The following CELF2 variants were observed in gnomAD, a reference collection of about 807,000 sequenced individuals.
CELF2 encodes CUGBP Elav-like family member 2.
A neutral mutation model predicts 62.6 loss-of-function variants in CELF2; 8 were observed. The observed-to-expected ratio is 0.13, with a 90% CI of 0.07 to 0.23. The LOEUF (loss-of-function observed/expected upper bound fraction) is 0.23. Among genes scored for constraint, CELF2 ranks in the 10% least tolerant of loss-of-function variants. The pLI, the probability that CELF2 is intolerant of heterozygous loss-of-function variation, is 1.00. For synonymous variants in CELF2, 258 were observed against 250.0 expected, an observed-to-expected ratio of 1.03 and a Z score of -0.30; for missense variants, 333 against 671.0, an observed-to-expected ratio of 0.50 and a Z score of 5.56.
intron 8 of CELF2, among the ~76,000 whole-genome samples, chr10:11,281,333 C>T (rs758045386): frequency 4.4e-4 from 67 of 152,194 alleles, no homozygotes; most frequent in South Asian, 1.2e-3. Flanking sequence ...AGGGGACTGA[C>T]GTGGGGTAGA....
At chr10:10,695,707 C>T in the CELF2 span, among the ~76,000 whole-genome samples, 12 of 152,078 alleles carry the variant, frequency 7.9e-5, no homozygotes, top group Middle Eastern at 3.2e-3. Flanking sequence ...TGCTCATTTC[C>T]TTTTATTCTT....
At chr10:10,668,535 C>T in the CELF2 span, among the ~76,000 whole-genome samples, 2 of 152,350 alleles carry the variant, frequency 1.3e-5, no homozygotes, top group South Asian at 4.1e-4. Flanking sequence ...TTTCCCATTG[C>T]ATCATGTCAA....
intron 7 of CELF2, 53 bp from the exon 8 acceptor site, chr10:11,275,004 G>T: frequency 6.6e-7 from 1 of 1,520,524 alleles, no homozygotes; most frequent in Non-Finnish European, 9.1e-7. Flanking sequence ...GTTTAATGAG[G>T]GAGTTACTTT....
intron 1 of CELF2, among the ~76,000 whole-genome samples, chr10:11,051,456 G>A (rs1445890976): frequency 6.6e-6 from 1 of 152,032 alleles, no homozygotes; most frequent in Non-Finnish European, 1.5e-5. Context: ...TGCTCGTCTG[G>A]CTTACATAAA....
chr10:10,684,600 C>G, the CELF2 span, among the ~76,000 whole-genome samples: 1 of 152,066 alleles, frequency 6.6e-6, no homozygotes, highest in Non-Finnish European at 1.5e-5. Context: ...ACAAAATTAG[C>G]TGGGCATGAG....
At chr10:10,976,511 T>C (rs576346263) in intron 2 of CELF2, among the ~76,000 whole-genome samples, 106 of 152,314 alleles carry the variant, frequency 7.0e-4, no homozygotes, top group African/African-American at 2.4e-3. Flanking sequence ...CTACTCTTTT[T>C]TTCATGCCTT....
intron 1 of CELF2, among the ~76,000 whole-genome samples, chr10:11,076,287 A>G (rs2071905572): frequency 6.6e-6 from 1 of 152,188 alleles, no homozygotes; most frequent in Admixed American, 6.5e-5. Flanking sequence ...TTGTCTTAGA[A>G]TTGTAAATAA....
At chr10:10,904,100 T>C (rs2063143736) in intron 1 of CELF2, among the ~76,000 whole-genome samples, 1 of 152,262 alleles carries the variant, frequency 6.6e-6, no homozygotes, top group Non-Finnish European at 1.5e-5. Context: ...GACTCAAATG[T>C]ACCCATGGAA....
the CELF2 span, among the ~76,000 whole-genome samples, chr10:10,539,868 G>A: frequency 2.6e-5 from 4 of 152,198 alleles, no homozygotes; most frequent in East Asian, 1.9e-4. Flanking sequence ...AAAGTAAGAC[G>A]ATAAGCCAGG....
At chr10:10,974,571 C>T (rs531727469) in intron 2 of CELF2, among the ~76,000 whole-genome samples, 3 of 152,130 alleles carry the variant, frequency 2.0e-5, no homozygotes, top group African/African-American at 7.2e-5. Context: ...CTGACTCTGC[C>T]GGGATTAGAA....
intron 3 of CELF2, among the ~76,000 whole-genome samples, chr10:11,222,837 T>G (rs184166205): frequency 2.4e-4 from 36 of 152,382 alleles, no homozygotes; most frequent in Admixed American, 7.2e-4. Flanking sequence ...AAATATAAAA[T>G]GAATGTAGAT....
In CELF2 at chr10:11,321,518, T is replaced by TAA; in HGVS notation, c.1294+132_1294+133insAA. On this transcript the variant is annotated intron_variant, in intron 11 of 12. Transcript: ENST00000633077. The surrounding 1 kb of genome is among the most constrained non-coding windows in gnomAD (Gnocchi z 6.2). ...AAAGCAGTTGTTTTGTTATTCATGT[T>TAA]TAAAAAAAAAAAAAACTGAAAGCTG... The TAA allele has an allele frequency of 2.9e-6, 2 of 682,560 alleles. No homozygotes were observed. Among genetic ancestry groups the TAA allele is most frequent in the Non-Finnish European group, 4.5e-6 (2 of 443,106 alleles). The allele number at this position is 682,560 out of a possible 1,614,324, so 42.3% of individuals were successfully genotyped here. A position where few individuals can be genotyped will look rare whatever the true frequency, so the allele number is the denominator to read the frequency against.
chr10:11,125,194 G>C (rs2058467216), intron 1 of CELF2, among the ~76,000 whole-genome samples: 1 of 152,166 alleles, frequency 6.6e-6, no homozygotes, highest in Non-Finnish European at 1.5e-5. Flanking sequence ...GGGCCCAGCT[G>C]AGTGCAGATC....
rs56364371 is a variant in CELF2, at chr10:11,032,146, C to CAA, written c.74+14007_74+14008dup. On this transcript the variant is annotated intron_variant, in intron 1 of 12. Coordinates refer to ENST00000633077, the MANE Select transcript of CELF2 (RefSeq NM_001326342.2). ...CTCCCAGCTCCACATAGGGCTTAGC[C>CAA]AAAAAAAAAAAAAAAAAAAAAAAAA... 2.5e-3 allele frequency among the ~76,000 whole-genome samples: 214 copies of CAA among 86,342 alleles called. 2 individuals are homozygous for CAA. The highest frequency in any genetic ancestry group is 9.2e-3 in the East Asian group (39 of 4,262). The allele number at this position is 86,342 out of a possible 152,430, so 56.6% of individuals were successfully genotyped here.
chr10:11,070,092 T>C (rs1022916338), intron 1 of CELF2, among the ~76,000 whole-genome samples: 4 of 152,088 alleles, frequency 2.6e-5, no homozygotes, highest in African/African-American at 9.7e-5. Context: ...TCTTGTTTTA[T>C]TCTCTAAATC....
chr10:11,105,026 T>C (rs1449332027), intron 1 of CELF2, among the ~76,000 whole-genome samples: 1 of 152,234 alleles, frequency 6.6e-6, no homozygotes, highest in Non-Finnish European at 1.5e-5. Context: ...CGATGTAGTT[T>C]GGCCAAGCAT....
At chr10:10,562,802 A>ACAGCCTACCTCCCTGCCCTCCG in the CELF2 span, among the ~76,000 whole-genome samples, 1 of 139,092 alleles carries the variant, frequency 7.2e-6, no homozygotes, top group Non-Finnish European at 1.5e-5. Flanking sequence ...CCTGCCCTCC[A>ACAGCCTACCTCCCTGCCCTCCG]CAGCCTACCT....
Position 11,074,122 on chromosome 10 carries a change from A to G in CELF2, c.74+55959A>G, listed in dbSNP as rs931298768. Among the ~76,000 whole-genome samples, 4 of 152,174 alleles carry G rather than the reference A, an allele frequency of 2.6e-5. No homozygotes were observed. In the South Asian group the frequency reaches 6.2e-4, roughly 24 times the overall value. ...CGAGTATGTGTGTGTTACAACATCT[A>G]TTCAACCTATTTTGTTGCTTTTTTG... On this transcript the variant is annotated intron_variant, in intron 1 of 12. Transcript: ENST00000633077.
the CELF2 span, among the ~76,000 whole-genome samples, chr10:10,616,294 G>GT: frequency 8.3e-5 from 12 of 144,692 alleles, no homozygotes; most frequent in African/African-American, 2.9e-4. Flanking sequence ...GTTTTGTTTG[G>GT]GGTGTGTGTG....
Sources: gnomAD v4.1 joint callset for allele counts (sites outside exome capture counted in the v4.1 genomes callset) on GRCh38, gnomAD v4.1.1 for gene constraint, Gnocchi (gnomAD v3.1) non-coding constraint, MANE v1.5 for transcripts, NCBI Gene and HGNC (gene_info 2026-07-23, HGNC 2026-07-21) for gene names.